The following ATRNL1 variants were observed in gnomAD, a reference collection of about 807,000 sequenced individuals.
ATRNL1 encodes the protein attractin like 1.
Under a neutral mutation model 182.7 loss-of-function variants are expected in ATRNL1, and 95 were observed. The ratio of observed to expected loss-of-function variants is 0.52; its 90% CI spans 0.44 to 0.62. The LOEUF (loss-of-function observed/expected upper bound fraction) is 0.62, where lower values mean the gene tolerates loss of function less well. Among genes scored for constraint, ATRNL1 ranks in the 20% least tolerant of loss-of-function variants. ATRNL1 has a pLI of 0.00. For missense variants in ATRNL1, 1,471 were observed against 1,679.5 expected (o/e 0.88, Z 2.17); for synonymous variants, 576 against 568.3 (o/e 1.01, Z -0.19).
intron 8 of ATRNL1, among the ~76,000 whole-genome samples, chr10:115,208,967 A>G (rs1307931869): frequency 6.6e-6 from 1 of 151,956 alleles, no homozygotes; most frequent in African/African-American, 2.4e-5. Flanking sequence ...ACAAGTAATC[A>G]GGGTAATTCA....
chr10:115,893,915 G>A (rs1952141736), intron 28 of ATRNL1, among the ~76,000 whole-genome samples: 3 of 151,996 alleles, frequency 2.0e-5, no homozygotes, highest in South Asian at 4.2e-4. Context: ...AGTTTCTCAG[G>A]GAAGACAAAA....
chr10:115,873,543 C>T (rs1469100505), intron 28 of ATRNL1, among the ~76,000 whole-genome samples: 2 of 152,052 alleles, frequency 1.3e-5, no homozygotes, highest in East Asian at 1.9e-4. Context: ...CTTTGTTAAC[C>T]TTTTAACATA....
At chr10:115,687,979 A>G (rs1946272751) in intron 26 of ATRNL1, among the ~76,000 whole-genome samples, 1 of 151,964 alleles carries the variant, frequency 6.6e-6, no homozygotes, top group Non-Finnish European at 1.5e-5. Flanking sequence ...CCCCACTGCA[A>G]CCCTTCCCAG....
intron 27 of ATRNL1, among the ~76,000 whole-genome samples, chr10:115,788,458 T>C (rs1949448122): frequency 6.6e-6 from 1 of 152,184 alleles, no homozygotes; most frequent in Non-Finnish European, 1.5e-5. Flanking sequence ...AACCAAAGCT[T>C]CCCTCCTTTA....
Position 115,728,151 on chromosome 10 carries a change from C to T in ATRNL1, c.3903+796C>T, listed in dbSNP as rs868933362. Among the ~76,000 whole-genome samples, 62 of 144,744 alleles carry T rather than the reference C, an allele frequency of 4.3e-4. 1 individual carries two copies. The highest frequency in any genetic ancestry group is 1.3e-3 in the African/African-American group (51 of 39,286). 95.0% of individuals were successfully genotyped at this position (144,744 alleles called of 152,430 possible). A position where few individuals can be genotyped will look rare whatever the true frequency, so the allele number is the denominator to read the frequency against. On this transcript the variant is annotated intron_variant, in intron 27 of 28. Coordinates refer to ENST00000355044, the MANE Select transcript of ATRNL1 (RefSeq NM_207303.4). ...AAGAAAAAAAAAAAAAAAAATTAGCCGGGCGTGGTGGCAGGCACCTGTGGT... is the reference window on the plus strand; with the variant it reads ...AAGAAAAAAAAAAAAAAAAATTAGCTGGGCGTGGTGGCAGGCACCTGTGGT...
intron 24 of ATRNL1, among the ~76,000 whole-genome samples, chr10:115,518,641 C>T (rs782128184): frequency 5.1e-4 from 77 of 151,888 alleles, no homozygotes; most frequent in Non-Finnish European, 5.0e-4. Flanking sequence ...AATTGAAAAA[C>T]CACATTACAC....
At chr10:115,524,343 T>C (rs114439842) in intron 25 of ATRNL1, among the ~76,000 whole-genome samples, 4,688 of 152,288 alleles carry the variant, frequency 0.031, 220 homozygotes, top group African/African-American at 0.1. Context: ...AAGGTTTTTT[T>C]TTCTTGTTGT....
chr10:115,272,573 A>G (rs1180207711), intron 13 of ATRNL1, among the ~76,000 whole-genome samples: 3 of 152,208 alleles, frequency 2.0e-5, no homozygotes, highest in Admixed American at 6.5e-5. Flanking sequence ...TCGCTAATGA[A>G]TTACTAAGGG....
chr10:115,335,356 T>A (rs1385296226), intron 19 of ATRNL1, among the ~76,000 whole-genome samples: 1 of 145,730 alleles, frequency 6.9e-6, no homozygotes, highest in Non-Finnish European at 1.5e-5. Context: ...GGTTAGATAA[T>A]TTTTTTTTAA....
chr10:115,878,681 A>G (rs1555107778), intron 28 of ATRNL1, among the ~76,000 whole-genome samples: 1 of 152,156 alleles, frequency 6.6e-6, no homozygotes, highest in African/African-American at 2.4e-5. Flanking sequence ...CCTGCTTGAC[A>G]TTGTATTGGA....
At position 115,614,056 on chromosome 10, in the gene ATRNL1, T is replaced by G. The variant is rs1857305358; in HGVS notation, c.3795+64520T>G. ...TGCTCTGATCTTTGTTATTTATTTT[T>G]TATACTAATTTTCTGTTTGGTTTCT... On this transcript the variant is annotated intron_variant, in intron 26 of 28. Coordinates refer to ENST00000355044, the MANE Select transcript of ATRNL1 (RefSeq NM_207303.4). 2.6e-5 allele frequency among the ~76,000 whole-genome samples: 4 copies of G among 151,978 alleles called. No homozygotes were observed. The South Asian group carries it at 8.3e-4, about 31-fold the overall frequency.
chr10:115,948,601 C>G lies in ATRNL1; in HGVS notation c.*3822C>G, dbSNP rs1165805210. 1 of 152,194 alleles carries G rather than the reference C, an allele frequency of 6.6e-6. No homozygotes were observed. The highest frequency in any genetic ancestry group is 1.5e-5 in the Non-Finnish European group (1 of 68,042). The allele number at this position is 152,194 out of a possible 1,614,324, so 9.4% of individuals were successfully genotyped here. A position where few individuals can be genotyped will look rare whatever the true frequency, so the allele number is the denominator to read the frequency against. Reference sequence around the variant, plus strand: ...ACTCTTAACAAGCTCCTCAGTGCTTCTTACCATTAGGCAAATTAGGGAAAC... The same window carrying G: ...ACTCTTAACAAGCTCCTCAGTGCTTGTTACCATTAGGCAAATTAGGGAAAC... On this transcript the variant is annotated 3_prime_UTR_variant, in exon 29 of 29. Transcript: ENST00000355044.
chr10:115,246,323 A>G (rs1850639120), intron 10 of ATRNL1, among the ~76,000 whole-genome samples: 1 of 151,974 alleles, frequency 6.6e-6, no homozygotes, highest in Non-Finnish European at 1.5e-5. Context: ...CGTGATATTT[A>G]TTTTTCCTGG....
intron 21 of ATRNL1, among the ~76,000 whole-genome samples, chr10:115,448,726 A>G (rs1721076710): frequency 6.6e-6 from 1 of 152,134 alleles, no homozygotes; most frequent in Non-Finnish European, 1.5e-5. Flanking sequence ...CATTTAAAAG[A>G]TAAACAAATC....
chr10:115,424,912 A>T (rs1845815537), intron 20 of ATRNL1, among the ~76,000 whole-genome samples: 2 of 152,148 alleles, frequency 1.3e-5, no homozygotes, highest in African/African-American at 4.8e-5. Flanking sequence ...TAAAACTAGA[A>T]AACTACCATC....
rs148343673 is a variant in ATRNL1 at position 115,250,138 on chromosome 10, T to C, written c.1687+8413T>C. ...GATTTGAGCTACATACTTACACAGA[T>C]TGCTTGTGCCCTGTGTTTCTGCTCA... On this transcript the variant is annotated intron_variant, in intron 10 of 28. Transcript: ENST00000355044. Among the ~76,000 whole-genome samples the C allele has an allele frequency of 1.3e-4, 20 of 152,316 alleles. No individual in the cohort carries two copies. The East Asian group carries it at 3.7e-3, about 28-fold the overall frequency.
intron 26 of ATRNL1, among the ~76,000 whole-genome samples, chr10:115,551,119 C>A (rs1852962154): frequency 6.6e-6 from 1 of 151,634 alleles, no homozygotes; most frequent in Non-Finnish European, 1.5e-5. Flanking sequence ...GTGGTCTAGT[C>A]TTTTGAGCCC....
At chr10:115,534,892 C>A (rs1358542539) in intron 25 of ATRNL1, among the ~76,000 whole-genome samples, 1 of 152,130 alleles carries the variant, frequency 6.6e-6, no homozygotes, top group East Asian at 1.9e-4. Flanking sequence ...ATATGAAATT[C>A]TGGGTTGAAA....
chr10:115,366,331 G>A (rs1319860285), intron 19 of ATRNL1, among the ~76,000 whole-genome samples: 5 of 151,442 alleles, frequency 3.3e-5, no homozygotes, highest in African/African-American at 1.2e-4. Flanking sequence ...TCAGAGACTA[G>A]GATTGCAACC....
Sources: allele counts gnomAD v4.1 joint callset (sites outside exome capture counted in the v4.1 genomes callset), GRCh38; gene constraint gnomAD v4.1.1; transcripts MANE v1.5; gene names NCBI Gene and HGNC (gene_info 2026-07-23, HGNC 2026-07-21).